FRYL: variants seen among roughly 807,000 people sequenced by gnomAD.
FRYL encodes FRY like transcription coactivator, also known as protein furry homolog-like.
A neutral mutation model predicts 351.2 loss-of-function variants in FRYL; 150 were observed. The ratio of observed to expected loss-of-function variants is 0.43; its 90% CI spans 0.37 to 0.49. The LOEUF is 0.49. Ranked by LOEUF, FRYL falls within the 20% of genes least tolerant of loss-of-function variation. The pLI, the probability that FRYL is intolerant of heterozygous loss-of-function variation, is 0.00. For synonymous variants in FRYL, 1,153 were observed against 1,257.1 expected, an observed-to-expected ratio of 0.92 and a Z score of 1.75; for missense variants, 3,036 against 3,619.3, an observed-to-expected ratio of 0.84 and a Z score of 4.13.
At chr4:48,642,414 A>T (rs1755521379) in intron 3 of FRYL, among the ~76,000 whole-genome samples, 1 of 152,114 alleles carries the variant, frequency 6.6e-6, no homozygotes, top group African/African-American at 2.4e-5. Flanking sequence ...ATTCTTATTA[A>T]TTCTATTCCC....
chr4:48,619,502 T>C (rs1750226764), intron 6 of FRYL, 132 bp from the exon 7 acceptor site: 1 of 519,758 alleles, frequency 1.9e-6, no homozygotes, highest in South Asian at 3.7e-5. Flanking sequence ...ATATGAAGCT[T>C]TTTGTTTTTT....
chr4:48,617,807 A>G (rs1423496142), intron 7 of FRYL: 1 of 152,288 alleles, frequency 6.6e-6, no homozygotes, highest in Non-Finnish European at 1.5e-5. Context: ...TAAGAAAAGG[A>G]TGCCATGGGA....
chr4:48,548,872 A>G, intron 39 of FRYL, 79 bp from the exon 40 acceptor site: 1 of 762,286 alleles, frequency 1.3e-6, no homozygotes, highest in Non-Finnish European at 2.2e-6. Context: ...AATTACTTGA[A>G]GACTTTAATA....
At chr4:48,742,790 T>C (rs1164286870) in intron 1 of FRYL, among the ~76,000 whole-genome samples, 1 of 151,880 alleles carries the variant, frequency 6.6e-6, no homozygotes, top group Admixed American at 6.6e-5. Flanking sequence ...TCCCACCCTT[T>C]TGGAGGGTAA....
At chr4:48,584,868 TAAG>T (rs1218355367) in intron 19 of FRYL, among the ~76,000 whole-genome samples, 2 of 152,198 alleles carry the variant, frequency 1.3e-5, no homozygotes, top group Non-Finnish European at 2.9e-5. Flanking sequence ...TTCCAAATGA[TAAG>T]AAGAGAGGAG....
chr4:48,546,664 G>C, intron 41 of FRYL: 1 of 193,152 alleles, frequency 5.2e-6, no homozygotes, highest in Non-Finnish European at 1.1e-5. Context: ...CATTTCCATT[G>C]CAGAAAGGCT....
Position 48,497,392 on chromosome 4 carries a change from A to G in FRYL, c.*2030T>C, listed in dbSNP as rs1718683297. ...CAGGTATATTCATTTTTATTATATTAATAGACTTAGTTACATATAAATAAA... is the reference window on the plus strand; with the variant it reads ...CAGGTATATTCATTTTTATTATATTGATAGACTTAGTTACATATAAATAAA... On this transcript the variant is annotated 3_prime_UTR_variant, in exon 64 of 64. Coordinates refer to ENST00000358350, the MANE Select transcript of FRYL (RefSeq NM_015030.2). 2 of 152,406 alleles carry G rather than the reference A, an allele frequency of 1.3e-5. No homozygotes were observed. Among genetic ancestry groups the G allele is most frequent in the South Asian group, 4.1e-4 (2 of 4,830 alleles). 9.4% of individuals were successfully genotyped at this position (152,406 alleles called of 1,614,324 possible).
At chr4:48,605,866 C>A in intron 10 of FRYL, 33 bp from the exon 11 acceptor site, 1 of 1,238,944 alleles carries the variant, frequency 8.1e-7, no homozygotes, top group South Asian at 1.3e-5. Context: ...CTTAGATTAA[C>A]AAAAGAGGAA....
chr4:48,609,823 T>C lies in FRYL; in HGVS notation c.412A>G (p.Ile138Val). Reference protein sequence around the residue: ...CLVLVEVLKQIPVHPVPDPLV... With the variant: ...CLVLVEVLKQVPVHPVPDPLV... Reference sequence around the variant, plus strand: ...GGATCGGGTACAGGATGAACAGGAATCTAGAATTTAAAAAAATTATCAAGT... The same window carrying C: ...GGATCGGGTACAGGATGAACAGGAACCTAGAATTTAAAAAAATTATCAAGT... The change falls in exon 8 of 64, where the codon ATT becomes GTT. Residue 138 changes from isoleucine (I) to valine (V), a missense_variant and splice_region_variant. By Grantham distance (29) the Ile-to-Val change is conservative (BLOSUM62 3). Around this residue, in one of 7 missense-constraint regions of FRYL, gnomAD observed 457 missense variants for 566.6 expected, o/e 0.81. Coordinates refer to ENST00000358350, the MANE Select transcript of FRYL (RefSeq NM_015030.2). The C allele has an allele frequency of 6.4e-7, 1 of 1,558,302 alleles. No individual in the cohort carries two copies. The highest frequency in any genetic ancestry group is 1.4e-5 in the African/African-American group (1 of 73,080).
At chr4:48,574,073 A>G in intron 25 of FRYL, among the ~76,000 whole-genome samples, 1 of 152,106 alleles carries the variant, frequency 6.6e-6, no homozygotes, top group Non-Finnish European at 1.5e-5. Context: ...TAATTTTACA[A>G]ATTAAATTAA....
chr4:48,726,284 C>T (rs1266443765), intron 1 of FRYL, among the ~76,000 whole-genome samples: 1 of 152,204 alleles, frequency 6.6e-6, no homozygotes, highest in Non-Finnish European at 1.5e-5. Flanking sequence ...CCTTCTCCTT[C>T]TGGGCATAAT....
intron 58 of FRYL, 66 bp from the exon 59 acceptor site, chr4:48,510,223 A>G (rs1722183498): frequency 8.4e-7 from 1 of 1,185,888 alleles, no homozygotes; most frequent in East Asian, 2.3e-5. Context: ...TCACAAAATC[A>G]TGAGACTTTT....
chr4:48,524,204 A>C (rs1577934408), intron 53 of FRYL, among the ~76,000 whole-genome samples: 1 of 151,860 alleles, frequency 6.6e-6, no homozygotes. Flanking sequence ...TGAAAGCAGA[A>C]GAATACTTAT....
intron 1 of FRYL, among the ~76,000 whole-genome samples, chr4:48,764,632 C>T (rs549849741): frequency 1.3e-5 from 2 of 151,956 alleles, no homozygotes; most frequent in South Asian, 4.2e-4. Flanking sequence ...ACAACAACAT[C>T]AAGAAGAATA....
At chr4:48,564,164 A>G in intron 30 of FRYL, 62 bp from the exon 31 acceptor site, 1 of 1,574,730 alleles carries the variant, frequency 6.4e-7, no homozygotes, top group Admixed American at 1.8e-5. Flanking sequence ...CTATTTCCCT[A>G]TAGTTCTTAC....
chr4:48,614,970 G>A (rs1749106484), intron 7 of FRYL, among the ~76,000 whole-genome samples: 1 of 151,026 alleles, frequency 6.6e-6, no homozygotes, highest in Non-Finnish European at 1.5e-5. Flanking sequence ...GGGACTACAG[G>A]CGCCCGCCAA....
At position 48,738,042 on chromosome 4, in the gene FRYL, G is replaced by A. The variant is rs141882515; in HGVS notation, c.-383-27344C>T. ...ACTAGGAGCTTTCCCACTTAGATAA[G>A]GAACAAGACAATGGTGTCCCCTCAA... is the stretch of plus-strand genomic sequence containing the variant. On this transcript the variant is annotated intron_variant, in intron 1 of 63. Transcript: ENST00000358350. Among the ~76,000 whole-genome samples, 508 of 152,182 alleles carry A rather than the reference G, an allele frequency of 3.3e-3. 11 individuals carry two copies. Among genetic ancestry groups the A allele is most frequent in the Admixed American group, 0.026 (404 of 15,292 alleles).
chr4:48,623,203 T>A, intron 4 of FRYL, 24 bp from the exon 5 acceptor site: 1 of 1,128,818 alleles, frequency 8.9e-7, no homozygotes, highest in Non-Finnish European at 1.3e-6. Flanking sequence ...AAACAAACAT[T>A]AAAAATAAAA....
At chr4:48,768,057 A>G (rs1775146346) in intron 1 of FRYL, among the ~76,000 whole-genome samples, 1 of 152,232 alleles carries the variant, frequency 6.6e-6, no homozygotes, top group African/African-American at 2.4e-5. Flanking sequence ...CTAGCTTAAA[A>G]TACTCAGGGA....
Sources: allele counts gnomAD v4.1 joint callset (sites outside exome capture counted in the v4.1 genomes callset), GRCh38; gene constraint gnomAD v4.1.1; regional missense constraint gnomAD v4.1.1; transcripts MANE v1.5; gene names NCBI Gene and HGNC (gene_info 2026-07-23, HGNC 2026-07-21).